DNMT1: variants seen among roughly 807,000 people sequenced by gnomAD.
The protein encoded by DNMT1 is DNA (cytosine-5)-methyltransferase 1.
A neutral mutation model predicts 205.3 loss-of-function variants in DNMT1; 24 were observed. That is an observed-to-expected ratio of 0.12 (90% CI 0.08 to 0.16). The LOEUF is 0.16. Ranked by LOEUF, DNMT1 falls within the 10% of genes least tolerant of loss-of-function variation. DNMT1 has a pLI of 1.00. For synonymous variants in DNMT1, 817 were observed against 839.8 expected (o/e 0.97, Z 0.47); for missense variants, 1,293 against 2,177.7 (o/e 0.59, Z 8.09).
intron 13 of DNMT1, among the ~76,000 whole-genome samples, chr19:10,161,168 G>A (rs572382217): frequency 3.9e-5 from 6 of 152,192 alleles, no homozygotes; most frequent in African/African-American, 7.2e-5. Flanking sequence ...AGTTGGGCGC[G>A]GTGGCGCATG....
intron 10 of DNMT1, 52 bp from the exon 11 acceptor site, chr19:10,166,737 G>A: frequency 6.3e-7 from 1 of 1,599,274 alleles, no homozygotes; most frequent in Non-Finnish European, 8.6e-7. Flanking sequence ...GGGGGGCCCT[G>A]CACCGGGGCC....
chr19:10,141,965 C>T, intron 30 of DNMT1, 63 bp downstream of exon 30: 4 of 1,590,676 alleles, frequency 2.5e-6, no homozygotes, highest in Non-Finnish European at 2.6e-6. Flanking sequence ...TATAACCCGA[C>T]ATCAGACTCC....
At chr19:10,180,942 A>C in intron 2 of DNMT1, 57 bp from the exon 3 acceptor site, 2 of 1,406,378 alleles carry the variant, frequency 1.4e-6, no homozygotes, top group Non-Finnish European at 2.0e-6. Flanking sequence ...TCACTAGTGG[A>C]CTAATACACA....
At chr19:10,157,618 A>AC in intron 17 of DNMT1, among the ~76,000 whole-genome samples, 1 of 152,214 alleles carries the variant, frequency 6.6e-6, no homozygotes, top group Non-Finnish European at 1.5e-5. Context: ...TCTGGAGAGC[A>AC]CCCTCCACCA....
intron 5 of DNMT1, 121 bp from the exon 6 acceptor site, chr19:10,177,488 A>G: frequency 9.5e-6 from 9 of 949,156 alleles, no homozygotes; most frequent in Non-Finnish European, 1.4e-5. Context: ...CTAAGGACTA[A>G]GCATCTTTGC....
In DNMT1 at chr19:10,148,230, C is replaced by T. The variant is rs145917258; in HGVS notation, c.2720+654G>A. Among the ~76,000 whole-genome samples, 56 of 151,198 alleles carry T rather than the reference C, an allele frequency of 3.7e-4. 1 individual carries two copies. Among genetic ancestry groups the T allele is most frequent in the African/African-American group, 1.2e-3 (50 of 41,426 alleles). On this transcript the variant is annotated intron_variant, in intron 27 of 40. Transcript: ENST00000359526. ...AAAGAATCGAGGACAGGTGTGGTGG[C>T]TCACGCCTGTAATCCCAGCACTTTG...
chr19:10,175,084 TACACACACAC>T lies in DNMT1; in HGVS notation c.648+446_648+455del, dbSNP rs201133845. ...AAAGAAGTCTAAATACATACATACA[TACACACACAC>T]ACACACACACACACACACACACACA... On this transcript the variant is annotated intron_variant, in intron 7 of 40. Transcript: ENST00000359526. 6.3e-3 allele frequency among the ~76,000 whole-genome samples: 715 copies of T among 113,946 alleles called. 2 individuals carry two copies. Among genetic ancestry groups the T allele is most frequent in the Non-Finnish European group, 7.5e-3 (413 of 55,396 alleles). 74.8% of individuals were successfully genotyped at this position (113,946 alleles called of 152,430 possible). A position where few individuals can be genotyped will look rare whatever the true frequency, so the allele number is the denominator to read the frequency against.
intron 1 of DNMT1, among the ~76,000 whole-genome samples, chr19:10,193,917 G>A (rs1260209685): frequency 2.6e-5 from 4 of 152,108 alleles, no homozygotes; most frequent in African/African-American, 9.7e-5. Flanking sequence ...ATGAACAAGG[G>A]GCTGGGACCA....
At chr19:10,148,844 G>A (rs187826028) in intron 27 of DNMT1, 40 bp downstream of exon 27, 1 of 1,613,780 alleles carries the variant, frequency 6.2e-7, no homozygotes, top group Non-Finnish European at 8.5e-7. Flanking sequence ...GATGTGGGCT[G>A]AAAGTGCCTG....
intron 9 of DNMT1, among the ~76,000 whole-genome samples, chr19:10,168,582 ATTTTC>A (rs1341553180): frequency 3.3e-5 from 5 of 152,058 alleles, no homozygotes; most frequent in Admixed American, 6.6e-5. Flanking sequence ...CAAGACAGCA[ATTTTC>A]TTTTCTTCTT....
At chr19:10,170,775 TTTTGTTTGTTTGTTTTG>T (rs1451931768) in intron 9 of DNMT1, among the ~76,000 whole-genome samples, 1 of 151,928 alleles carries the variant, frequency 6.6e-6, no homozygotes, top group Non-Finnish European at 1.5e-5. Context: ...CTTGGTTTTT[TTTTGTTTGTTTGTTTTG>T]TTTGTTTGTT....
At chr19:10,186,244 A>G (rs946523457) in intron 1 of DNMT1, among the ~76,000 whole-genome samples, 2 of 152,184 alleles carry the variant, frequency 1.3e-5, no homozygotes, top group Non-Finnish European at 2.9e-5. Context: ...AGAAACCTTC[A>G]AAACCCCTAG....
intron 1 of DNMT1, among the ~76,000 whole-genome samples, chr19:10,185,892 A>G (rs2039169941): frequency 6.6e-6 from 1 of 151,694 alleles, no homozygotes; most frequent in South Asian, 2.1e-4. Flanking sequence ...TTCCAGGAGC[A>G]CAAGGAACCT....
intron 39 of DNMT1, 63 bp from the exon 40 acceptor site, chr19:10,134,370 T>G (rs1599336798): frequency 6.7e-7 from 1 of 1,483,000 alleles, no homozygotes; most frequent in Non-Finnish European, 9.4e-7. Context: ...CGGGGGCAGG[T>G]GTACTGCCAG....
chr19:10,151,623 A>G lies in DNMT1; in HGVS notation c.2118-78T>C, dbSNP rs1599362045. 7 of 1,610,404 alleles carry G rather than the reference A, an allele frequency of 4.3e-6. No homozygotes were observed. Among genetic ancestry groups the G allele is most frequent in the Non-Finnish European group, 5.9e-6 (7 of 1,178,710 alleles). On this transcript the variant is annotated intron_variant, in intron 23 of 40. Coordinates refer to ENST00000359526, the MANE Select transcript of DNMT1 (RefSeq NM_001130823.3). The surrounding 1 kb of genome is among the most constrained non-coding windows in gnomAD (Gnocchi z 5.0). ...GGGCTGTTTTCTTCATAACAGGGACAGGTCCTGAGACAATGCCTAACGAAG... is the reference window on the plus strand; with the variant it reads ...GGGCTGTTTTCTTCATAACAGGGACGGGTCCTGAGACAATGCCTAACGAAG...
chr19:10,144,088 T>C (rs2089654124), intron 28 of DNMT1, 101 bp from the exon 29 acceptor site: 3 of 1,198,108 alleles, frequency 2.5e-6, no homozygotes, highest in South Asian at 2.5e-5. Context: ...GTCAAGCACC[T>C]GATGAATTAA....
At chr19:10,145,109 C>T (rs538733168) in intron 28 of DNMT1, among the ~76,000 whole-genome samples, 29 of 152,312 alleles carry the variant, frequency 1.9e-4, no homozygotes, top group Non-Finnish European at 3.7e-4. Context: ...CAATGTAAGG[C>T]GCCACAGGGC....
At chr19:10,186,838 C>CAAAAAAAAAAAAAAAAAAAAAAAAAAAA (rs35238334) in intron 1 of DNMT1, among the ~76,000 whole-genome samples, 2 of 70,688 alleles carry the variant, frequency 2.8e-5, no homozygotes, top group African/African-American at 1.2e-4. Context: ...AACTCCGTCT[C>CAAAAAAAAAAAAAAAAAAAAAAAAAAAA]AAAAAAAAAA....
chr19:10,171,394 C>T (rs1053164866), intron 9 of DNMT1, among the ~76,000 whole-genome samples: 11 of 151,980 alleles, frequency 7.2e-5, no homozygotes, highest in African/African-American at 2.2e-4. Context: ...ATAGGTTGGC[C>T]GGTGTGGTGG....
Sources: gnomAD v4.1 joint callset for allele counts (sites outside exome capture counted in the v4.1 genomes callset) on GRCh38, gnomAD v4.1.1 for gene constraint, Gnocchi (gnomAD v3.1) non-coding constraint, MANE v1.5 for transcripts, NCBI Gene and HGNC (gene_info 2026-07-23, HGNC 2026-07-21) for gene names.